ADAM12: variants seen among roughly 807,000 people sequenced by gnomAD.
ADAM12 encodes the protein ADAM metallopeptidase domain 12.
A neutral mutation model predicts 106.4 loss-of-function variants in ADAM12; 70 were observed. The observed-to-expected ratio is 0.66, with a 90% CI of 0.54 to 0.80. The LOEUF (loss-of-function observed/expected upper bound fraction) is 0.80. ADAM12 is among the 30% of genes least tolerant of loss of function. ADAM12 has a pLI of 0.00. For missense variants in ADAM12, 1,010 were observed against 1,171.9 expected, an observed-to-expected ratio of 0.86 and a Z score of 2.02; for synonymous variants, 420 against 433.5, an observed-to-expected ratio of 0.97 and a Z score of 0.39.
chr10:126,184,843 C>T (rs188193167), intron 3 of ADAM12, among the ~76,000 whole-genome samples: 1 of 152,074 alleles, frequency 6.6e-6, no homozygotes, highest in African/African-American at 2.4e-5. Flanking sequence ...AACAAGGGTA[C>T]GAGGACGTCA....
In ADAM12 at chr10:126,272,334, T is replaced by A. The variant is rs115049862; in HGVS notation, c.260+6581A>T. On this transcript the variant is annotated intron_variant, in intron 3 of 22. Transcript: ENST00000448723. ...AAGATTAATTAATAAAGATAATTAATATGACAGATGATAATCATTAAAGAT... is the reference window on the plus strand; with the variant it reads ...AAGATTAATTAATAAAGATAATTAAAATGACAGATGATAATCATTAAAGAT... Among the ~76,000 whole-genome samples the A allele has an allele frequency of 3.5e-3, 538 of 152,364 alleles. 5 individuals are homozygous for A. The highest frequency in any genetic ancestry group is 0.012 in the African/African-American group (502 of 41,586).
At chr10:126,055,017 A>G (rs1428078612) in intron 14 of ADAM12, among the ~76,000 whole-genome samples, 1 of 152,200 alleles carries the variant, frequency 6.6e-6, no homozygotes, top group African/African-American at 2.4e-5. Flanking sequence ...AAGGGCAACT[A>G]GTGGAGACTG....
intron 4 of ADAM12, among the ~76,000 whole-genome samples, chr10:126,137,993 T>C (rs1956437404): frequency 6.6e-6 from 1 of 152,242 alleles, no homozygotes; most frequent in South Asian, 2.1e-4. Flanking sequence ...GCCAAGCAGC[T>C]GAACCATTTT....
At chr10:126,036,474 T>C in intron 20 of ADAM12, 149 bp from the exon 21 acceptor site, 13 of 674,724 alleles carry the variant, frequency 1.9e-5, no homozygotes, top group Non-Finnish European at 2.9e-5. Context: ...AAGAGGGGAA[T>C]TATTTTTGTA....
intron 4 of ADAM12, among the ~76,000 whole-genome samples, chr10:126,153,081 C>A (rs1364943334): frequency 1.3e-5 from 2 of 152,106 alleles, no homozygotes; most frequent in East Asian, 3.9e-4. Context: ...CTGAGCTATT[C>A]TTTGTTAGTT....
chr10:126,388,014 C>T lies in ADAM12; in HGVS notation c.88+44G>A. ...CGCGCCCAGGCGCAGCGTGCGGTGCCCTCGGCGGGGCGGGCAGCGAGCCGC... is the reference window on the plus strand; with the variant it reads ...CGCGCCCAGGCGCAGCGTGCGGTGCTCTCGGCGGGGCGGGCAGCGAGCCGC... On this transcript the variant is annotated intron_variant, in intron 1 of 22. Coordinates refer to ENST00000448723, the MANE Select transcript of ADAM12 (RefSeq NM_001288973.2). This position sits in a 1 kb window ranked among gnomAD's most constrained non-coding sequence, Gnocchi z 4.4. 8.4e-7 allele frequency: 1 copy of T among 1,195,788 alleles called. No individual in the cohort carries two copies. The allele number at this position is 1,195,788 out of a possible 1,614,324, so 74.1% of individuals were successfully genotyped here.
At chr10:126,099,212 A>G (rs1421502131) in intron 9 of ADAM12, among the ~76,000 whole-genome samples, 1 of 152,226 alleles carries the variant, frequency 6.6e-6, no homozygotes. Context: ...AAAACGCTGT[A>G]TTTGTTGAAT....
At chr10:126,052,199 C>T (rs1176631502) in intron 14 of ADAM12, among the ~76,000 whole-genome samples, 2 of 152,152 alleles carry the variant, frequency 1.3e-5, no homozygotes, top group Non-Finnish European at 2.9e-5. Flanking sequence ...GGCCCTGCAG[C>T]CCAAGCAACA....
At chr10:126,336,142 TA>T (rs1455209935) in intron 1 of ADAM12, among the ~76,000 whole-genome samples, 1 of 152,162 alleles carries the variant, frequency 6.6e-6, no homozygotes, top group Non-Finnish European at 1.5e-5. Context: ...ATTGGTTTAC[TA>T]ACTGTAACAA....
chr10:126,278,811 C>A, intron 3 of ADAM12, 104 bp downstream of exon 3: 2 of 758,874 alleles, frequency 2.6e-6, no homozygotes, highest in Admixed American at 3.2e-5. Flanking sequence ...CAAATCCATG[C>A]ATTTCGTTCT....
chr10:126,080,729 C>A (rs1356768611), intron 11 of ADAM12, among the ~76,000 whole-genome samples: 1 of 150,956 alleles, frequency 6.6e-6, no homozygotes, highest in Non-Finnish European at 1.5e-5. Context: ...ATGAAACAGA[C>A]AGCTGGGTGA....
chr10:126,351,184 C>T (rs1045145504), intron 1 of ADAM12, among the ~76,000 whole-genome samples: 2 of 152,142 alleles, frequency 1.3e-5, no homozygotes, highest in African/African-American at 4.8e-5. Context: ...CAACATGTGC[C>T]CTGCTCCCCC....
intron 5 of ADAM12, among the ~76,000 whole-genome samples, chr10:126,127,439 A>C (rs963885733): frequency 3.9e-5 from 6 of 152,224 alleles, no homozygotes; most frequent in Non-Finnish European, 7.3e-5. Flanking sequence ...GGGAGGGCAC[A>C]TCTATTCCTG....
chr10:126,134,153 A>G (rs1031701990), intron 5 of ADAM12, among the ~76,000 whole-genome samples: 1 of 152,216 alleles, frequency 6.6e-6, no homozygotes, highest in Non-Finnish European at 1.5e-5. Context: ...CACCTCCTTC[A>G]CTTTTCAGAG....
intron 14 of ADAM12, among the ~76,000 whole-genome samples, chr10:126,051,607 GT>G (rs1954501910): frequency 1.7e-4 from 10 of 60,000 alleles, no homozygotes; most frequent in South Asian, 4.9e-4. Context: ...CCAGCCACCT[GT>G]CCATCCATCC....
chr10:126,038,303 C>T lies in ADAM12; in HGVS notation c.2287G>A (p.Ala763Thr), dbSNP rs746796445. The T allele has an allele frequency of 1.2e-6, 2 of 1,611,416 alleles. No individual in the cohort carries two copies. The highest frequency in any genetic ancestry group is 1.6e-4 in the Middle Eastern group (1 of 6,072). Residue 763 changes from alanine (A) to threonine (T), a missense_variant, in exon 20 of 23, where the codon GCT (alanine) becomes ACT (threonine). Ala to Thr is a moderately conservative substitution (Grantham distance 58). Coordinates refer to ENST00000448723, the MANE Select transcript of ADAM12 (RefSeq NM_001288973.2). ...CCTTTTCCAAGGTGGCCGAGGTGAG[C>T]CTGACAGGGTTGGAAGCCACGGGGT... ...RPPRGFQPCQ[A>T]HLGHLGKGLM...
chr10:126,177,720 A>C (rs1957244235), intron 3 of ADAM12, among the ~76,000 whole-genome samples: 1 of 152,256 alleles, frequency 6.6e-6, no homozygotes. Context: ...CAACAAAAAA[A>C]TGAATCCAAT....
At chr10:126,204,529 C>T (rs990545518) in intron 3 of ADAM12, among the ~76,000 whole-genome samples, 2 of 152,258 alleles carry the variant, frequency 1.3e-5, no homozygotes, top group Non-Finnish European at 2.9e-5. Context: ...AAAGCAGATT[C>T]CCGCTTCATG....
At chr10:126,158,312 G>A (rs73380517) in intron 3 of ADAM12, among the ~76,000 whole-genome samples, 2,725 of 151,716 alleles carry the variant, frequency 0.018, 82 homozygotes, top group African/African-American at 0.063. Flanking sequence ...CAGAGCACAG[G>A]GGGAGGCACA....
Sources: allele counts gnomAD v4.1 joint callset (sites outside exome capture counted in the v4.1 genomes callset), GRCh38; gene constraint gnomAD v4.1.1; non-coding constraint Gnocchi (gnomAD v3.1); transcripts MANE v1.5; gene names NCBI Gene and HGNC (gene_info 2026-07-23, HGNC 2026-07-21).